TMEFF2: variants seen among roughly 807,000 people sequenced by gnomAD.
TMEFF2 encodes transmembrane protein with EGF like and two follistatin like domains 2, also known as tomoregulin-2.
Under a neutral mutation model 53.8 loss-of-function variants are expected in TMEFF2, and 28 were observed. The observed-to-expected ratio is 0.52, with a 90% confidence interval of 0.39 to 0.71. The LOEUF (loss-of-function observed/expected upper bound fraction) is 0.71, where lower values mean the gene tolerates loss of function less well. Among genes scored for constraint, TMEFF2 ranks in the 30% least tolerant of loss-of-function variants. The pLI, the probability that TMEFF2 is intolerant of heterozygous loss-of-function variation, is 0.00. For synonymous variants in TMEFF2, 162 were observed against 166.3 expected, an observed-to-expected ratio of 0.97 and a Z score of 0.20; for missense variants, 353 against 455.2, an observed-to-expected ratio of 0.78 and a Z score of 2.04.
intron 5 of TMEFF2, among the ~76,000 whole-genome samples, chr2:192,009,918 A>T (rs2105848355): frequency 6.6e-6 from 1 of 152,318 alleles, no homozygotes; most frequent in South Asian, 2.1e-4. Flanking sequence ...ATTAGTTTTG[A>T]CATTTTGCTT....
intron 4 of TMEFF2, among the ~76,000 whole-genome samples, chr2:192,129,559 T>C (rs1167479476): frequency 6.6e-6 from 1 of 152,184 alleles, no homozygotes; most frequent in African/African-American, 2.4e-5. Flanking sequence ...CATTCTTACA[T>C]TTCAATTCTA....
chr2:192,001,650 A>G (rs1317420140), intron 5 of TMEFF2, among the ~76,000 whole-genome samples: 3 of 152,200 alleles, frequency 2.0e-5, no homozygotes, highest in African/African-American at 7.2e-5. Flanking sequence ...GGGGGCAGGT[A>G]TTTCCCTTGC....
intron 4 of TMEFF2, among the ~76,000 whole-genome samples, chr2:192,101,202 C>T (rs1689023759): frequency 6.6e-6 from 1 of 152,116 alleles, no homozygotes; most frequent in Non-Finnish European, 1.5e-5. Flanking sequence ...ATTATGCAGC[C>T]TCCTCAGAGT....
chr2:192,049,212 T>C (rs952288137), intron 5 of TMEFF2, among the ~76,000 whole-genome samples: 10 of 151,984 alleles, frequency 6.6e-5, no homozygotes, highest in Non-Finnish European at 1.5e-4. Context: ...ACATAATTTA[T>C]AAGAGAAGAC....
intron 4 of TMEFF2, among the ~76,000 whole-genome samples, chr2:192,128,661 T>C (rs973517339): frequency 6.6e-6 from 1 of 152,228 alleles, no homozygotes. Flanking sequence ...CTGCAAGTTT[T>C]AGAAGCTTAT....
chr2:191,951,294 C>A (rs972444397), intron 9 of TMEFF2, among the ~76,000 whole-genome samples: 6 of 87,276 alleles, frequency 6.9e-5, no homozygotes, highest in East Asian at 6.4e-4. Flanking sequence ...ATAAAAAGAT[C>A]AAAAATCCAA....
chr2:192,153,541 T>C (rs1046181563), intron 4 of TMEFF2, among the ~76,000 whole-genome samples: 2 of 151,904 alleles, frequency 1.3e-5, no homozygotes, highest in African/African-American at 4.8e-5. Flanking sequence ...ACAACTATTG[T>C]GCAAGCTGAT....
At chr2:192,041,868 T>A (rs1358172137) in intron 5 of TMEFF2, among the ~76,000 whole-genome samples, 1 of 152,196 alleles carries the variant, frequency 6.6e-6, no homozygotes, top group Non-Finnish European at 1.5e-5. Flanking sequence ...ACTTGTTTTA[T>A]ATGGGTTTGG....
At chr2:191,989,771 C>T (rs934372565) in intron 7 of TMEFF2, among the ~76,000 whole-genome samples, 4 of 151,998 alleles carry the variant, frequency 2.6e-5, no homozygotes, top group Non-Finnish European at 4.4e-5. Context: ...TGGTTCTTGG[C>T]CCTTGATTAA....
chr2:192,110,777 C>T (rs1689255391), intron 4 of TMEFF2, among the ~76,000 whole-genome samples: 1 of 152,078 alleles, frequency 6.6e-6, no homozygotes, highest in Non-Finnish European at 1.5e-5. Flanking sequence ...TGTCCCCACC[C>T]AAATCTCATC....
At chr2:192,144,840 C>T (rs1690212911) in intron 4 of TMEFF2, among the ~76,000 whole-genome samples, 1 of 151,922 alleles carries the variant, frequency 6.6e-6, no homozygotes, top group Admixed American at 6.6e-5. Flanking sequence ...TCTAACTTGA[C>T]TTAGTAGACT....
intron 5 of TMEFF2, among the ~76,000 whole-genome samples, chr2:192,028,139 T>C (rs1436256487): frequency 6.6e-6 from 1 of 151,542 alleles, no homozygotes; most frequent in African/African-American, 2.4e-5. Context: ...AAAATGGAAG[T>C]TTCCCTGCAC....
At chr2:191,952,483 T>C (rs1691915881) in intron 9 of TMEFF2, among the ~76,000 whole-genome samples, 1 of 152,194 alleles carries the variant, frequency 6.6e-6, no homozygotes, top group African/African-American at 2.4e-5. Flanking sequence ...TTTCTTTTTC[T>C]TTTTATATGC....
intron 4 of TMEFF2, among the ~76,000 whole-genome samples, chr2:192,147,775 A>T (rs908926131): frequency 1.3e-5 from 2 of 152,070 alleles, no homozygotes; most frequent in Non-Finnish European, 2.9e-5. Flanking sequence ...CATGATAGCC[A>T]TTAGCTATTG....
In TMEFF2 at chr2:192,194,733, G is replaced by T. The variant is rs1691564711; in HGVS notation, c.-209C>A. On this transcript the variant is annotated 5_prime_UTR_variant, in exon 1 of 10. The change creates a premature stop within an existing upstream ORF in the 5' untranslated region. Transcript: ENST00000272771. This position sits in a 1 kb window ranked among gnomAD's most constrained non-coding sequence, Gnocchi z 4.2. Reference sequence around the variant, plus strand: ...CAGGGACTGGGCTCAGCCCCGGAGCGAGAGGGTCGTCCGCTGAGAAGCTGC... The same window carrying T: ...CAGGGACTGGGCTCAGCCCCGGAGCTAGAGGGTCGTCCGCTGAGAAGCTGC... 3.4e-6 allele frequency: 2 copies of T among 591,406 alleles called. No homozygotes were observed. Among genetic ancestry groups the T allele is most frequent in the South Asian group, 4.0e-5 (2 of 49,584 alleles). The allele number at this position is 591,406 out of a possible 1,614,324, so 36.6% of individuals were successfully genotyped here.
At chr2:192,084,538 A>G (rs1212768456) in intron 4 of TMEFF2, among the ~76,000 whole-genome samples, 1 of 152,210 alleles carries the variant, frequency 6.6e-6, no homozygotes, top group Non-Finnish European at 1.5e-5. Context: ...GAGAAGAAAA[A>G]GATAAAATCA....
At chr2:192,175,954 C>A (rs17368903) in intron 4 of TMEFF2, among the ~76,000 whole-genome samples, 24,695 of 151,192 alleles carry the variant, frequency 0.16, 2,487 homozygotes, top group East Asian at 0.3. Context: ...GACTGAAAGA[C>A]TTATAGAGAA....
At chr2:191,962,872 G>C (rs1692313318) in intron 7 of TMEFF2, among the ~76,000 whole-genome samples, 1 of 152,100 alleles carries the variant, frequency 6.6e-6, no homozygotes, top group African/African-American at 2.4e-5. Flanking sequence ...CAGGCCGCTG[G>C]GAGAAGTTGT....
chr2:191,999,776 C>T (rs1457636989), intron 5 of TMEFF2, among the ~76,000 whole-genome samples: 1 of 151,864 alleles, frequency 6.6e-6, no homozygotes, highest in African/African-American at 2.4e-5. Context: ...GGCCACAAAA[C>T]CCTTTGGAAA....
Sources: allele counts gnomAD v4.1 joint callset (sites outside exome capture counted in the v4.1 genomes callset), GRCh38; gene constraint gnomAD v4.1.1; non-coding constraint Gnocchi (gnomAD v3.1); transcripts MANE v1.5; gene names NCBI Gene and HGNC (gene_info 2026-07-23, HGNC 2026-07-21).